Variants in ATAD2B observed in about 807,000 individuals in gnomAD.
ATAD2B encodes ATPase family AAA domain-containing protein 2B.
A neutral mutation model predicts 167.6 loss-of-function variants in ATAD2B; 40 were observed. The ratio of observed to expected loss-of-function variants is 0.24; its 90% confidence interval spans 0.19 to 0.31. ATAD2B has a LOEUF of 0.31. Ranked by LOEUF, ATAD2B falls within the 10% of genes least tolerant of loss-of-function variation. The pLI is 1.00. For missense variants in ATAD2B, 1,242 were observed against 1,757.2 expected, an observed-to-expected ratio of 0.71 and a Z score of 5.24; for synonymous variants, 579 against 596.5, an observed-to-expected ratio of 0.97 and a Z score of 0.43.
At chr2:23,898,186 G>A (rs962668116) in intron 1 of ATAD2B, among the ~76,000 whole-genome samples, 4 of 152,052 alleles carry the variant, frequency 2.6e-5, no homozygotes, top group South Asian at 2.1e-4. Context: ...CAAGCAATGC[G>A]CCCACCTCAG....
At chr2:23,786,347 A>G in intron 20 of ATAD2B, 124 bp from the exon 21 acceptor site, 2 of 816,204 alleles carry the variant, frequency 2.5e-6, no homozygotes, top group Non-Finnish European at 3.8e-6. Flanking sequence ...GCTTAACAAC[A>G]GGGATACATT....
At chr2:23,851,836 A>G (rs2149905068) in intron 13 of ATAD2B, among the ~76,000 whole-genome samples, 1 of 152,334 alleles carries the variant, frequency 6.6e-6, no homozygotes, top group Non-Finnish European at 1.5e-5. Context: ...CAAAAATAAT[A>G]GTAGAAAATC....
At chr2:23,742,374 A>G in the ATAD2B span, among the ~76,000 whole-genome samples, 2 of 123,836 alleles carry the variant, frequency 1.6e-5, no homozygotes, top group African/African-American at 5.2e-5. Flanking sequence ...CTATGCAGCC[A>G]TAAAAAATGA....
chr2:23,877,890 T>C (rs1234704664), intron 7 of ATAD2B, among the ~76,000 whole-genome samples: 1 of 148,540 alleles, frequency 6.7e-6, no homozygotes, highest in Non-Finnish European at 1.5e-5. Flanking sequence ...AACCCAACTT[T>C]ACAAAAAAAT....
chr2:23,691,490 T>C, the ATAD2B span: 1 of 604,252 alleles, frequency 1.7e-6, no homozygotes, highest in South Asian at 2.0e-5. Flanking sequence ...TTTGGGCGTC[T>C]CTGGTCAGAC....
intron 22 of ATAD2B, among the ~76,000 whole-genome samples, chr2:23,780,181 A>G (rs2712084): frequency 0.18 from 28,021 of 151,708 alleles, 2,687 homozygotes; most frequent in Middle Eastern, 0.26. Context: ...CCAGGAGACA[A>G]AGGTTGCAGT....
chr2:23,914,155 C>G (rs901789743), intron 1 of ATAD2B, among the ~76,000 whole-genome samples: 4 of 151,964 alleles, frequency 2.6e-5, no homozygotes, highest in Admixed American at 2.6e-4. Flanking sequence ...CAGAAAAGAA[C>G]AGAGAGATCA....
At chr2:23,756,404 AT>A (rs1280715389) in intron 25 of ATAD2B, among the ~76,000 whole-genome samples, 1 of 151,894 alleles carries the variant, frequency 6.6e-6, no homozygotes, top group African/African-American at 2.4e-5. Context: ...AAAAAAAAAA[AT>A]TTTCCCACAT....
intron 18 of ATAD2B, among the ~76,000 whole-genome samples, chr2:23,798,611 C>G (rs563418242): frequency 6.6e-6 from 1 of 151,968 alleles, no homozygotes; most frequent in South Asian, 2.1e-4. Flanking sequence ...AATTGCTCCA[C>G]TTATCTAGCA....
intron 19 of ATAD2B, among the ~76,000 whole-genome samples, 171 bp from the exon 20 acceptor site, chr2:23,788,818 C>T (rs190613110): frequency 2.4e-4 from 37 of 152,044 alleles, no homozygotes; most frequent in African/African-American, 8.7e-4. Flanking sequence ...AGGGTTCAAC[C>T]GCATGGGCTA....
At chr2:23,920,495 TATTC>T (rs1443594049) in intron 1 of ATAD2B, among the ~76,000 whole-genome samples, 1 of 152,244 alleles carries the variant, frequency 6.6e-6, no homozygotes, top group African/African-American at 2.4e-5. Context: ...CTTGAAATGC[TATTC>T]ATTCATTCAT....
chr2:23,917,401 T>TA (rs1703196136), intron 1 of ATAD2B, among the ~76,000 whole-genome samples: 1 of 152,234 alleles, frequency 6.6e-6, no homozygotes, highest in African/African-American at 2.4e-5. Flanking sequence ...AAATATGCTA[T>TA]ATAATGTCTT....
intron 4 of ATAD2B, among the ~76,000 whole-genome samples, chr2:23,887,215 G>A (rs1573262130): frequency 6.6e-6 from 1 of 152,072 alleles, no homozygotes; most frequent in African/African-American, 2.4e-5. Flanking sequence ...AGTGAGCCAA[G>A]ATCGCGTCAC....
intron 22 of ATAD2B, among the ~76,000 whole-genome samples, chr2:23,766,798 C>T (rs1402036508): frequency 6.6e-5 from 10 of 152,070 alleles, no homozygotes; most frequent in Admixed American, 5.9e-4. Flanking sequence ...AGAAAACCTA[C>T]AGGGTACTGG....
At chr2:23,724,938 G>T in the ATAD2B span, among the ~76,000 whole-genome samples, 2 of 151,518 alleles carry the variant, frequency 1.3e-5, no homozygotes, top group Non-Finnish European at 2.9e-5. Flanking sequence ...AGCTACTTGG[G>T]AGGCTGAGGC....
At chr2:23,726,107 G>T in the ATAD2B span, among the ~76,000 whole-genome samples, 1 of 152,180 alleles carries the variant, frequency 6.6e-6, no homozygotes, top group Non-Finnish European at 1.5e-5. Context: ...TCACACTCAT[G>T]CACATTCATT....
chr2:23,737,860 T>A, the ATAD2B span, among the ~76,000 whole-genome samples: 11 of 152,230 alleles, frequency 7.2e-5, no homozygotes, highest in East Asian at 1.9e-3. Context: ...TTAAAGGACC[T>A]GATGGAGCTG....
At chr2:23,766,981 AAG>A (rs1478189695) in intron 22 of ATAD2B, among the ~76,000 whole-genome samples, 1 of 152,144 alleles carries the variant, frequency 6.6e-6, no homozygotes, top group Admixed American at 6.5e-5. Flanking sequence ...TCCTGCTGTA[AAG>A]AGTTTGGAGA....
intron 6 of ATAD2B, chr2:23,883,671 T>C (rs1328865473): frequency 8.6e-7 from 1 of 1,167,168 alleles, no homozygotes; most frequent in Non-Finnish European, 1.1e-6. Context: ...ATAAAGTACC[T>C]TCATTAGAAA....
Sources: gnomAD v4.1 joint callset for allele counts (sites outside exome capture counted in the v4.1 genomes callset) on GRCh38, gnomAD v4.1.1 for gene constraint, MANE v1.5 for transcripts, NCBI Gene and HGNC (gene_info 2026-07-23, HGNC 2026-07-21) for gene names.